Variants in SMPD3 observed in about 807,000 individuals in gnomAD.
The protein encoded by SMPD3 is sphingomyelin phosphodiesterase 3.
SMPD3 carries 21 observed loss-of-function variants against 55.7 expected under a neutral mutation model. The ratio of observed to expected loss-of-function variants is 0.38; its 90% CI spans 0.27 to 0.54. The LOEUF (loss-of-function observed/expected upper bound fraction) is 0.54. Among genes scored for constraint, SMPD3 ranks in the 20% least tolerant of loss-of-function variants. SMPD3 has a pLI of 0.80. For synonymous variants in SMPD3, 457 were observed against 404.3 expected, an observed-to-expected ratio of 1.13 and a Z score of -1.56; for missense variants, 842 against 899.6, an observed-to-expected ratio of 0.94 and a Z score of 0.82.
chr16:68,438,891 G>T (rs2090545610), intron 1 of SMPD3, among the ~76,000 whole-genome samples: 2 of 152,164 alleles, frequency 1.3e-5, no homozygotes, highest in Admixed American at 6.5e-5. Context: ...CAGATTGCCT[G>T]GGTTGGGGTC....
At chr16:68,438,111 C>G (rs1249337263) in intron 1 of SMPD3, among the ~76,000 whole-genome samples, 1 of 152,166 alleles carries the variant, frequency 6.6e-6, no homozygotes, top group Non-Finnish European at 1.5e-5. Context: ...CCAAAGGATA[C>G]TATTGCCTGC....
At chr16:68,370,222 G>T (rs936805521) in intron 3 of SMPD3, 1 of 152,744 alleles carries the variant, frequency 6.5e-6, no homozygotes, top group African/African-American at 2.4e-5. Flanking sequence ...AAATAATTAT[G>T]ATTCACTTTA....
At position 68,447,194 on chromosome 16, in the gene SMPD3, C is replaced by T. The variant is rs890632856; in HGVS notation, c.-269+1159G>A. 1.3e-5 allele frequency among the ~76,000 whole-genome samples: 2 copies of T among 152,116 alleles called. No individual in the cohort carries two copies. Among genetic ancestry groups the T allele is most frequent in the African/African-American group, 4.8e-5 (2 of 41,436 alleles). On this transcript the variant is annotated intron_variant, in intron 1 of 8. Coordinates refer to ENST00000219334, the MANE Select transcript of SMPD3 (RefSeq NM_018667.4). This position sits in a 1 kb window ranked among gnomAD's most constrained non-coding sequence, Gnocchi z 5.1. ...TGGGCCGAGCGCGAAAGCCCCATGC[C>T]TTGGAACAGCCACCGCGCGTCCTGG...
rs760875968 is a variant in SMPD3 at position 68,371,474 on chromosome 16, G to A, written c.708C>T (p.Ser236=). 4.4e-6 allele frequency: 7 copies of A among 1,597,954 alleles called. No individual in the cohort carries two copies. The highest frequency in any genetic ancestry group is 1.6e-4 in the Middle Eastern group (1 of 6,078). ...CGATGCAGGCATCCTCCGGGCTGCT[G>A]CTGTCGACAGGGTCCCCAGAGGCTG... ...NGPASGDPVD[S]SSPEDACIVR... Residue 236 remains serine (S), a synonymous_variant, in exon 3 of 9, where the codon AGC becomes AGT. Transcript: ENST00000219334.
At chr16:68,403,013 G>C (rs1308532002) in intron 1 of SMPD3, among the ~76,000 whole-genome samples, 2 of 152,202 alleles carry the variant, frequency 1.3e-5, no homozygotes, top group African/African-American at 2.4e-5. Flanking sequence ...CACTGTGTCA[G>C]GGTGCAGCAC....
intron 5 of SMPD3, 149 bp downstream of exon 5, chr16:68,364,602 G>A (rs996417528): frequency 3.5e-6 from 3 of 857,368 alleles, no homozygotes; most frequent in African/African-American, 1.7e-5. Flanking sequence ...TTTCTAGGGG[G>A]CAGAGAAATC....
chr16:68,395,837 T>G (rs920265922), intron 1 of SMPD3, among the ~76,000 whole-genome samples: 1 of 152,192 alleles, frequency 6.6e-6, no homozygotes, highest in Non-Finnish European at 1.5e-5. Flanking sequence ...TTTTTTAAAT[T>G]AAAAATGAGG....
intron 2 of SMPD3, among the ~76,000 whole-genome samples, chr16:68,376,936 C>T (rs2151991478): frequency 6.6e-6 from 1 of 152,364 alleles, no homozygotes; most frequent in Non-Finnish European, 1.5e-5. Flanking sequence ...AGGAACCAGG[C>T]TAGAGACCTG....
intron 1 of SMPD3, among the ~76,000 whole-genome samples, chr16:68,428,022 C>T (rs2090450047): frequency 1.3e-5 from 2 of 152,130 alleles, no homozygotes; most frequent in South Asian, 4.1e-4. Flanking sequence ...AAGCATCTTC[C>T]TGTGCCTCTG....
At position 68,360,407 on chromosome 16, in the gene SMPD3, G is replaced by A. The variant is rs2089186031; in HGVS notation, c.*799C>T. On this transcript the variant is annotated 3_prime_UTR_variant, in exon 9 of 9. Coordinates refer to ENST00000219334, the MANE Select transcript of SMPD3 (RefSeq NM_018667.4). The stretch of plus-strand genomic sequence containing the variant: ...CCGTTTATGGCTCCACTGCCCAGAT[G>A]GGAGGCTCCCGGAGGAGGCCCAGGG... 6.6e-6 allele frequency: 1 copy of A among 152,180 alleles called. No individual in the cohort carries two copies. The highest frequency in any genetic ancestry group is 2.1e-4 in the South Asian group (1 of 4,816). The allele number at this position is 152,180 out of a possible 1,614,324, so 9.4% of individuals were successfully genotyped here. A position where few individuals can be genotyped will look rare whatever the true frequency, so the allele number is the denominator to read the frequency against.
At chr16:68,435,079 C>G (rs2090511832) in intron 1 of SMPD3, among the ~76,000 whole-genome samples, 1 of 151,932 alleles carries the variant, frequency 6.6e-6, no homozygotes, top group African/African-American at 2.4e-5. Flanking sequence ...TCACTACTAC[C>G]TGTGTTTGGA....
Position 68,447,928 on chromosome 16 carries a change from A to G in SMPD3, c.-269+425T>C, listed in dbSNP as rs1289160895. Among the ~76,000 whole-genome samples, 2 of 151,208 alleles carry G rather than the reference A, an allele frequency of 1.3e-5. No homozygotes were observed. Among genetic ancestry groups the G allele is most frequent in the African/African-American group, 4.9e-5 (2 of 41,070 alleles). On this transcript the variant is annotated intron_variant, in intron 1 of 8. Transcript: ENST00000219334. The surrounding 1 kb of genome is among the most constrained non-coding windows in gnomAD (Gnocchi z 5.1). ...AGGGGAGCGGTCCGCGATCTCATCCATCACCACCAGACTCCTTTGTAACCT... is the reference window on the plus strand; with the variant it reads ...AGGGGAGCGGTCCGCGATCTCATCCGTCACCACCAGACTCCTTTGTAACCT...
At chr16:68,446,998 C>T (rs2090615278) in intron 1 of SMPD3, among the ~76,000 whole-genome samples, 2 of 152,150 alleles carry the variant, frequency 1.3e-5, no homozygotes. Context: ...CCGGCTCGCG[C>T]GGGCCCGCTA....
At chr16:68,411,900 A>T (rs1017450189) in intron 1 of SMPD3, among the ~76,000 whole-genome samples, 1 of 152,086 alleles carries the variant, frequency 6.6e-6, no homozygotes, top group Non-Finnish European at 1.5e-5. Flanking sequence ...GACAGGAGAA[A>T]TCCAGGAGTC....
chr16:68,440,655 A>G (rs2090558652), intron 1 of SMPD3, among the ~76,000 whole-genome samples: 1 of 152,224 alleles, frequency 6.6e-6, no homozygotes, highest in Non-Finnish European at 1.5e-5. Context: ...CCTGCAACAG[A>G]GTTGGTACTA....
At position 68,359,671 on chromosome 16, in the gene SMPD3, C is replaced by T. The variant is rs190499816; in HGVS notation, c.*1535G>A. On this transcript the variant is annotated 3_prime_UTR_variant, in exon 9 of 9. Transcript: ENST00000219334. ...TCCCTCCAGCCTCACCAGGCAAAGC[C>T]GGCCCTGGGCCAGGCTGGGTGTAGG... 1,190 of 152,790 alleles carry T rather than the reference C, an allele frequency of 7.8e-3. 8 individuals are homozygous for T. The highest frequency in any genetic ancestry group is 0.013 in the Non-Finnish European group (875 of 68,070). 9.5% of individuals were successfully genotyped at this position (152,790 alleles called of 1,614,324 possible).
At chr16:68,361,813 GGCAGGGGCTGTGT>G in intron 7 of SMPD3, 54 bp from the exon 8 acceptor site, 5 of 1,588,768 alleles carry the variant, frequency 3.1e-6, no homozygotes, top group Non-Finnish European at 4.3e-6. Context: ...CTGTGGGCCT[GGCAGGGGCTGTGT>G]GTGGAGCCAT....
At chr16:68,373,224 A>G (rs1267769434) in intron 2 of SMPD3, among the ~76,000 whole-genome samples, 4 of 152,190 alleles carry the variant, frequency 2.6e-5, no homozygotes, top group Admixed American at 2.6e-4. Flanking sequence ...GTCGAGACCC[A>G]CAGCCATCTG....
intron 1 of SMPD3, among the ~76,000 whole-genome samples, chr16:68,430,395 T>C (rs977603677): frequency 1.3e-5 from 2 of 152,200 alleles, no homozygotes; most frequent in Non-Finnish European, 2.9e-5. Flanking sequence ...TGTGATTCTG[T>C]GGTGAGAATC....
Sources: allele counts gnomAD v4.1 joint callset (sites outside exome capture counted in the v4.1 genomes callset), GRCh38; gene constraint gnomAD v4.1.1; non-coding constraint Gnocchi (gnomAD v3.1); transcripts MANE v1.5; gene names NCBI Gene and HGNC (gene_info 2026-07-23, HGNC 2026-07-21).